GAN: variants seen among roughly 807,000 people sequenced by gnomAD.
The protein encoded by GAN is gigaxonin.
Under a neutral mutation model 71.3 loss-of-function variants are expected in GAN, and 48 were observed. The observed-to-expected ratio is 0.67, with a 90% CI of 0.53 to 0.86. The LOEUF (loss-of-function observed/expected upper bound fraction) is 0.86, where lower values mean the gene tolerates loss of function less well. Among genes scored for constraint, GAN ranks in the 40% least tolerant of loss-of-function variants. The probability of loss-of-function intolerance (pLI) is 0.00; values close to 1 mark genes in which losing one functional copy is unlikely to be tolerated. For synonymous variants in GAN, 386 were observed against 276.8 expected, an observed-to-expected ratio of 1.39 and a Z score of -3.92; for missense variants, 928 against 770.1, an observed-to-expected ratio of 1.21 and a Z score of -2.43.
At chr16:81,347,526 A>G (rs1311341003) in intron 1 of GAN, among the ~76,000 whole-genome samples, 1 of 152,084 alleles carries the variant, frequency 6.6e-6, no homozygotes, top group African/African-American at 2.4e-5. Flanking sequence ...CTTTCTTGAT[A>G]TATTCCTTTG....
intron 6 of GAN, 116 bp downstream of exon 6, chr16:81,362,727 A>C: frequency 1.4e-6 from 1 of 724,562 alleles, no homozygotes; most frequent in Non-Finnish European, 2.5e-6. Context: ...CACCTGCCTC[A>C]TTCGCTCCAA....
intron 1 of GAN, among the ~76,000 whole-genome samples, chr16:81,344,472 C>A (rs1355114039): frequency 6.6e-6 from 1 of 152,154 alleles, no homozygotes; most frequent in Non-Finnish European, 1.5e-5. Context: ...CACACATCTA[C>A]CACCATCTGA....
At chr16:81,328,413 C>T (rs1221945033) in intron 1 of GAN, among the ~76,000 whole-genome samples, 1 of 152,134 alleles carries the variant, frequency 6.6e-6, no homozygotes, top group Non-Finnish European at 1.5e-5. Context: ...ATATTCTGTG[C>T]TTCAGAAATG....
In GAN at chr16:81,377,984, A is replaced by G; in HGVS notation, c.*388A>G. On this transcript the variant is annotated 3_prime_UTR_variant, in exon 11 of 11. Coordinates refer to ENST00000648994, the MANE Select transcript of GAN (RefSeq NM_022041.4). ...TTCAAATACGTAGCTTTGGTAACAA[A>G]CAAAATCCGTATATGCAAATCAACA... The G allele has an allele frequency of 3.5e-6, 1 of 285,604 alleles. No homozygotes were observed. The highest frequency in any genetic ancestry group is 6.8e-6 in the Non-Finnish European group (1 of 146,844). 17.7% of individuals were successfully genotyped at this position (285,604 alleles called of 1,614,324 possible).
rs1017227235 is a variant in GAN, at chr16:81,382,449, G to A, written c.*4853G>A. 1 of 152,214 alleles carries A rather than the reference G, an allele frequency of 6.6e-6. No individual in the cohort carries two copies. Among genetic ancestry groups the A allele is most frequent in the Non-Finnish European group, 1.5e-5 (1 of 68,030 alleles). The allele number at this position is 152,214 out of a possible 1,614,324, so 9.4% of individuals were successfully genotyped here. On this transcript the variant is annotated 3_prime_UTR_variant, in exon 11 of 11. Transcript: ENST00000648994. ...AAGAATTTATTTACTAAGGTCGTAA[G>A]AACAGAAGAAAGTTTCTTTGAAAGA...
chr16:81,361,679 C>G (rs762393732), intron 5 of GAN, among the ~76,000 whole-genome samples: 5 of 152,154 alleles, frequency 3.3e-5, no homozygotes, highest in African/African-American at 1.2e-4. Flanking sequence ...TTGGCTTCTC[C>G]TCTTCTAAGA....
chr16:81,347,901 A>G (rs1306579813), intron 1 of GAN, among the ~76,000 whole-genome samples: 1 of 151,978 alleles, frequency 6.6e-6, no homozygotes, highest in Non-Finnish European at 1.5e-5. Flanking sequence ...TACTTCCTTA[A>G]TAGTCTTATC....
In GAN at chr16:81,351,659, GT is replaced by G; in HGVS notation, c.246del (p.Met83Ter). The G allele has an allele frequency of 6.5e-7, 1 of 1,550,010 alleles. No individual in the cohort carries two copies. The highest frequency in any genetic ancestry group is 8.9e-7 in the Non-Finnish European group (1 of 1,121,616). Reference sequence around the variant, plus strand: ...TGAACTTGAAGGGATATCGGTAATGGTTATGAGAGAGATCCTGGATTACATC... The same window carrying G: ...TGAACTTGAAGGGATATCGGTAATGGTATGAGAGAGATCCTGGATTACATC... ...KIELEGISVMVMREILDYIFS... is the reference protein window; with the variant it reads ...KIELEGISVMXMREILDYIFS... On this transcript the variant is annotated frameshift_variant, in exon 2 of 11. Coordinates refer to ENST00000648994, the MANE Select transcript of GAN (RefSeq NM_022041.4). LOFTEE classifies it high-confidence loss of function.
intron 1 of GAN, among the ~76,000 whole-genome samples, chr16:81,321,868 G>C (rs116318190): frequency 6.6e-6 from 1 of 152,142 alleles, no homozygotes; most frequent in Admixed American, 6.5e-5. Flanking sequence ...GCATTTGAGC[G>C]CTTCCCATGG....
intron 1 of GAN, among the ~76,000 whole-genome samples, chr16:81,339,434 C>T (rs1909870993): frequency 6.6e-6 from 1 of 152,170 alleles, no homozygotes; most frequent in African/African-American, 2.4e-5. Context: ...CATTTAAAGA[C>T]TTGAGTATTT....
intron 1 of GAN, among the ~76,000 whole-genome samples, chr16:81,319,369 T>A (rs951542503): frequency 5.3e-5 from 8 of 151,964 alleles, no homozygotes; most frequent in African/African-American, 1.9e-4. Context: ...AATATTACAG[T>A]TTGGTCTGCT....
Position 81,359,461 on chromosome 16 carries a change from T to A in GAN, c.973+1530T>A, listed in dbSNP as rs556521040. Among the ~76,000 whole-genome samples, 46 of 152,082 alleles carry A rather than the reference T, an allele frequency of 3.0e-4. 1 individual carries two copies. The highest frequency in any genetic ancestry group is 6.8e-3 in the Middle Eastern group (2 of 292). On this transcript the variant is annotated intron_variant, in intron 5 of 10. Coordinates refer to ENST00000648994, the MANE Select transcript of GAN (RefSeq NM_022041.4). Reference sequence around the variant, plus strand: ...TTGATTTTGACTGTTTTTTTGTCATTCAATTTTTCTTCTCTACCAGTTTGG... The same window carrying A: ...TTGATTTTGACTGTTTTTTTGTCATACAATTTTTCTTCTCTACCAGTTTGG...
At chr16:81,320,874 C>T (rs1227380746) in intron 1 of GAN, among the ~76,000 whole-genome samples, 1 of 151,830 alleles carries the variant, frequency 6.6e-6, no homozygotes, top group Non-Finnish European at 1.5e-5. Context: ...TCCAGAAGGT[C>T]TTGATAGTTT....
chr16:81,321,194 A>G lies in GAN; in HGVS notation c.167+5914A>G, dbSNP rs557048715. ...AGAGGTTTTTGGAAGGTTTCAAATG[A>G]TGAAACAAATCAACAAAATTCTTGT... On this transcript the variant is annotated intron_variant, in intron 1 of 10. Transcript: ENST00000648994. 3.9e-5 allele frequency among the ~76,000 whole-genome samples: 6 copies of G among 152,364 alleles called. No individual in the cohort carries two copies. The East Asian group carries it at 1.2e-3, about 29-fold the overall frequency.
intron 3 of GAN, among the ~76,000 whole-genome samples, chr16:81,355,488 C>G (rs1006968897): frequency 6.6e-6 from 1 of 152,112 alleles, no homozygotes; most frequent in African/African-American, 2.4e-5. Context: ...CCTCAGCCTC[C>G]GAGTAGCTAG....
Position 81,360,080 on chromosome 16 carries a change from C to T in GAN, c.973+2149C>T, listed in dbSNP as rs12918841. On this transcript the variant is annotated intron_variant, in intron 5 of 10. Transcript: ENST00000648994. The stretch of plus-strand genomic sequence containing the variant: ...ATGGATGGATGGATAGATGGATGGA[C>T]AGACAGATAGGTAGATAGATGATTG... Among the ~76,000 whole-genome samples, 314 of 145,688 alleles carry T rather than the reference C, an allele frequency of 2.2e-3. 1 individual carries two copies. The highest frequency in any genetic ancestry group is 6.9e-3 in the African/African-American group (276 of 40,092).
At chr16:81,360,238 C>G (rs1052773327) in intron 5 of GAN, among the ~76,000 whole-genome samples, 1 of 152,136 alleles carries the variant, frequency 6.6e-6, no homozygotes. Context: ...TTTGAATTTC[C>G]TTTAATATGG....
intron 1 of GAN, among the ~76,000 whole-genome samples, chr16:81,345,095 G>GA (rs1193497851): frequency 6.6e-6 from 1 of 152,232 alleles, no homozygotes; most frequent in Non-Finnish European, 1.5e-5. Context: ...AAAAAGTCAG[G>GA]AAAAAACCGA....
At chr16:81,326,819 A>G (rs1009328021) in intron 1 of GAN, among the ~76,000 whole-genome samples, 1 of 152,224 alleles carries the variant, frequency 6.6e-6, no homozygotes, top group African/African-American at 2.4e-5. Context: ...AGCCACAGCA[A>G]AAATATGGCA....
Sources: gnomAD v4.1 joint callset for allele counts (sites outside exome capture counted in the v4.1 genomes callset) on GRCh38, gnomAD v4.1.1 for gene constraint, MANE v1.5 for transcripts, NCBI Gene and HGNC (gene_info 2026-07-23, HGNC 2026-07-21) for gene names.